WWC1: variants seen among roughly 807,000 people sequenced by gnomAD.
WWC1 encodes WW and C2 domain containing 1.
In WWC1, 55 loss-of-function variants were observed where a neutral mutation model predicts 138.4. That is an observed-to-expected ratio of 0.40 (90% CI 0.32 to 0.50). The LOEUF is 0.50. WWC1 is among the 20% of genes least tolerant of loss of function. WWC1 has a pLI of 0.72. For missense variants in WWC1, 1,226 were observed against 1,420.4 expected (o/e 0.86, Z 2.20); for synonymous variants, 524 against 564.9 (o/e 0.93, Z 1.03).
At chr5:168,465,573 T>TTTTTTTTTC (rs1757211008) in intron 21 of WWC1, among the ~76,000 whole-genome samples, 1 of 143,656 alleles carries the variant, frequency 7.0e-6, no homozygotes, top group Admixed American at 7.0e-5. Flanking sequence ...TTTTTTTTTT[T>TTTTTTTTTC]TTTGGAGATG....
At chr5:168,374,728 C>A (rs1209709860) in intron 2 of WWC1, among the ~76,000 whole-genome samples, 1 of 152,180 alleles carries the variant, frequency 6.6e-6, no homozygotes, top group African/African-American at 2.4e-5. Context: ...ACCAGTCTGA[C>A]TGCCATGCTG....
At position 168,291,812 on chromosome 5, in the gene WWC1, C is replaced by G. The variant is rs1411898109; in HGVS notation, c.-341C>G. The stretch of plus-strand genomic sequence containing the variant: ...CGGCGGCGTGGAGGGCGCAGCGCGC[C>G]GCGCGGCGGAGGAGGGCAGACGGCG... On this transcript the variant is annotated 5_prime_UTR_variant, in exon 1 of 23. Transcript: ENST00000265293. 2 of 150,774 alleles carry G rather than the reference C, an allele frequency of 1.3e-5. No individual in the cohort carries two copies. Among genetic ancestry groups the G allele is most frequent in the East Asian group, 3.9e-4 (2 of 5,156 alleles). The allele number at this position is 150,774 out of a possible 1,614,324, so 9.3% of individuals were successfully genotyped here.
chr5:168,414,048 A>G (rs912061659), intron 8 of WWC1: 7 of 332,948 alleles, frequency 2.1e-5, no homozygotes, highest in African/African-American at 1.5e-4. Context: ...CCACACAGCC[A>G]GTGCTAAGAG....
intron 11 of WWC1, 136 bp from the exon 12 acceptor site, chr5:168,427,897 G>A (rs1329270640): frequency 1.6e-6 from 1 of 631,584 alleles, no homozygotes; most frequent in Non-Finnish European, 2.8e-6. Context: ...AGTGGTCGAG[G>A]CTGCAGTGAG....
At chr5:168,445,644 G>A (rs978754239) in intron 17 of WWC1, among the ~76,000 whole-genome samples, 18 of 144,642 alleles carry the variant, frequency 1.2e-4, no homozygotes, top group Non-Finnish European at 2.5e-4. Context: ...AGAGGTTGCA[G>A]TGAACCGAGA....
At chr5:168,424,323 TC>T (rs1308242268) in intron 11 of WWC1, among the ~76,000 whole-genome samples, 1 of 152,226 alleles carries the variant, frequency 6.6e-6, no homozygotes, top group Non-Finnish European at 1.5e-5. Context: ...TGTCAGGTCA[TC>T]CTGTGCTAAT....
chr5:168,375,936 C>T (rs926277207), intron 2 of WWC1, among the ~76,000 whole-genome samples: 1 of 150,532 alleles, frequency 6.6e-6, no homozygotes, highest in Non-Finnish European at 1.5e-5. Flanking sequence ...ATTCAGTATC[C>T]CCGATTATCT....
At chr5:168,443,299 C>T (rs1029917501) in intron 16 of WWC1, among the ~76,000 whole-genome samples, 1 of 152,172 alleles carries the variant, frequency 6.6e-6, no homozygotes, top group African/African-American at 2.4e-5. Flanking sequence ...CTCCTCCTCT[C>T]CTTTCCCTCC....
intron 1 of WWC1, among the ~76,000 whole-genome samples, chr5:168,313,527 G>A (rs1445549161): frequency 6.6e-6 from 1 of 151,750 alleles, no homozygotes; most frequent in Non-Finnish European, 1.5e-5. Flanking sequence ...GGAGGTGGAG[G>A]TTGCAGTGAG....
intron 3 of WWC1, among the ~76,000 whole-genome samples, chr5:168,394,456 G>A (rs566674415): frequency 6.6e-6 from 1 of 152,140 alleles, no homozygotes; most frequent in African/African-American, 2.4e-5. Context: ...GCCGGGCGTG[G>A]TGGCTCACGC....
intron 9 of WWC1, among the ~76,000 whole-genome samples, chr5:168,421,707 G>C (rs1297254549): frequency 6.6e-6 from 1 of 152,114 alleles, no homozygotes; most frequent in African/African-American, 2.4e-5. Context: ...AACTCTAAGG[G>C]CCTCGATTTC....
chr5:168,369,801 G>A (rs890177289), intron 1 of WWC1, among the ~76,000 whole-genome samples: 6 of 151,598 alleles, frequency 4.0e-5, no homozygotes, highest in African/African-American at 1.5e-4. Context: ...TTTTCTGTAA[G>A]TTGGATTTGG....
At chr5:168,455,335 A>G in intron 18 of WWC1, 21 bp from the exon 19 acceptor site, 9 of 1,555,878 alleles carry the variant, frequency 5.8e-6, no homozygotes, top group Non-Finnish European at 7.8e-6. Flanking sequence ...TGGTGGCTTC[A>G]AGGTGTGACT....
intron 1 of WWC1, among the ~76,000 whole-genome samples, chr5:168,338,552 C>T (rs942822804): frequency 6.6e-6 from 1 of 151,634 alleles, no homozygotes; most frequent in Non-Finnish European, 1.5e-5. Flanking sequence ...GCTGAGATTA[C>T]AGGCATGCAC....
At chr5:168,357,558 G>A (rs1775554897) in intron 1 of WWC1, among the ~76,000 whole-genome samples, 1 of 151,770 alleles carries the variant, frequency 6.6e-6, no homozygotes, top group Non-Finnish European at 1.5e-5. Flanking sequence ...GTGCTTGAGA[G>A]GCTGAATGAA....
At chr5:168,456,445 C>T (rs1299986202) in intron 19 of WWC1, among the ~76,000 whole-genome samples, 2 of 152,028 alleles carry the variant, frequency 1.3e-5, no homozygotes, top group African/African-American at 4.8e-5. Flanking sequence ...CCAGCCTGGC[C>T]CACATGGTGA....
chr5:168,328,640 G>A lies in WWC1; in HGVS notation c.119+36369G>A, dbSNP rs140470048. Among the ~76,000 whole-genome samples, 11 of 152,132 alleles carry A rather than the reference G, an allele frequency of 7.2e-5. No individual in the cohort carries two copies. In the East Asian group the frequency reaches 1.2e-3, roughly 16 times the overall value. On this transcript the variant is annotated intron_variant, in intron 1 of 22. Coordinates refer to ENST00000265293, the MANE Select transcript of WWC1 (RefSeq NM_015238.3). ...CAGCTCACTGCAACCTCCGCCTCCC[G>A]GGTTCAAGCAATTCTTCTGCCTCAG... is the stretch of plus-strand genomic sequence containing the variant.
intron 3 of WWC1, among the ~76,000 whole-genome samples, chr5:168,397,488 AC>A (rs1297046261): frequency 3.3e-5 from 5 of 152,146 alleles, no homozygotes; most frequent in Non-Finnish European, 7.4e-5. Flanking sequence ...ACTTGCTTTC[AC>A]ATAATGAGTT....
chr5:168,404,365 G>A (rs905982422), intron 5 of WWC1, among the ~76,000 whole-genome samples: 2 of 152,228 alleles, frequency 1.3e-5, no homozygotes, highest in Non-Finnish European at 2.9e-5. Context: ...ATCTGGGGCC[G>A]GTCCTTGCCG....
Sources: allele counts gnomAD v4.1 joint callset (sites outside exome capture counted in the v4.1 genomes callset), GRCh38; gene constraint gnomAD v4.1.1; transcripts MANE v1.5; gene names NCBI Gene and HGNC (gene_info 2026-07-23, HGNC 2026-07-21).